Variants in ADARB2 observed in about 807,000 individuals in gnomAD.
The protein encoded by ADARB2 is inactive double-stranded RNA-specific editase B2.
A neutral mutation model predicts 62.2 loss-of-function variants in ADARB2; 25 were observed. That is an observed-to-expected ratio of 0.40 (90% CI 0.29 to 0.56). ADARB2 has a LOEUF of 0.56. Ranked by LOEUF, ADARB2 falls within the 20% of genes least tolerant of loss-of-function variation. The pLI is 0.43. For missense variants in ADARB2, 1,071 were observed against 1,077.4 expected (o/e 0.99, Z 0.08); for synonymous variants, 572 against 500.8 (o/e 1.14, Z -1.90).
intron 4 of ADARB2, among the ~76,000 whole-genome samples, chr10:1,263,188 G>A (rs1831160412): frequency 6.6e-6 from 1 of 151,656 alleles, no homozygotes; most frequent in South Asian, 2.1e-4. Flanking sequence ...GCTAAATGAT[G>A]AGTTACTGGG....
At chr10:1,730,526 C>T (rs539840261) in intron 1 of ADARB2, among the ~76,000 whole-genome samples, 52 of 152,200 alleles carry the variant, frequency 3.4e-4, no homozygotes, top group Non-Finnish European at 3.2e-4. Context: ...CACCTGAATG[C>T]CACAATTTTA....
At chr10:1,563,885 G>T (rs1291112195) in intron 1 of ADARB2, among the ~76,000 whole-genome samples, 1 of 147,316 alleles carries the variant, frequency 6.8e-6, no homozygotes, top group Non-Finnish European at 1.5e-5. Context: ...GCGGTGTTTG[G>T]TTTTTTGTTC....
At chr10:1,225,697 C>T (rs1166441332) in intron 6 of ADARB2, among the ~76,000 whole-genome samples, 2 of 134,462 alleles carry the variant, frequency 1.5e-5, no homozygotes, top group African/African-American at 4.9e-5. Flanking sequence ...ATATGAAATT[C>T]TGGGTTAAAA....
chr10:1,286,614 A>T (rs1369085819), intron 3 of ADARB2, among the ~76,000 whole-genome samples: 2 of 152,212 alleles, frequency 1.3e-5, no homozygotes, highest in African/African-American at 4.8e-5. Context: ...ACCAGAGTTG[A>T]GTTCTGCCAC....
intron 3 of ADARB2, among the ~76,000 whole-genome samples, chr10:1,297,050 A>G (rs1161679922): frequency 6.6e-6 from 1 of 152,252 alleles, no homozygotes; most frequent in East Asian, 1.9e-4. Flanking sequence ...ACAAACAAAA[A>G]TAAGTATCCT....
At chr10:1,687,740 G>A (rs1834614576) in intron 1 of ADARB2, among the ~76,000 whole-genome samples, 1 of 152,152 alleles carries the variant, frequency 6.6e-6, no homozygotes, top group Non-Finnish European at 1.5e-5. Flanking sequence ...GCTCAGCCGT[G>A]AATTGTGATG....
chr10:1,448,927 T>C (rs1271457650), intron 1 of ADARB2, among the ~76,000 whole-genome samples: 2 of 152,266 alleles, frequency 1.3e-5, no homozygotes, highest in East Asian at 3.9e-4. Flanking sequence ...CCAGCTCATC[T>C]TGTAAGCATG....
At chr10:1,719,464 C>T (rs1439523204) in intron 1 of ADARB2, among the ~76,000 whole-genome samples, 1 of 152,218 alleles carries the variant, frequency 6.6e-6, no homozygotes, top group Non-Finnish European at 1.5e-5. Context: ...AATTTGTTCC[C>T]TAGCTCCATT....
intron 4 of ADARB2, among the ~76,000 whole-genome samples, chr10:1,248,300 A>G (rs1195850421): frequency 6.6e-6 from 1 of 150,534 alleles, no homozygotes; most frequent in Admixed American, 6.6e-5. Flanking sequence ...CCAGCTGACC[A>G]AACAGGAAGC....
chr10:1,511,544 G>C lies in ADARB2; in HGVS notation c.101-132384C>G, dbSNP rs118128792. Among the ~76,000 whole-genome samples the C allele has an allele frequency of 5.9e-5, 9 of 152,080 alleles. No homozygotes were observed. In the South Asian group the frequency reaches 6.2e-4, roughly 11 times the overall value. On this transcript the variant is annotated intron_variant, in intron 1 of 9. Coordinates refer to ENST00000381312, the MANE Select transcript of ADARB2 (RefSeq NM_018702.4). ...CATTTGATGCTACATCTGTGAGCCCGGTCTGAAAGGAGTGAAGAATCAGCC... is the reference window on the plus strand; with the variant it reads ...CATTTGATGCTACATCTGTGAGCCCCGTCTGAAAGGAGTGAAGAATCAGCC...
At chr10:1,374,047 C>G (rs1380153580) in intron 2 of ADARB2, among the ~76,000 whole-genome samples, 1 of 152,164 alleles carries the variant, frequency 6.6e-6, no homozygotes, top group Admixed American at 6.5e-5. Flanking sequence ...GCATCCCGGC[C>G]ACCCACGCCC....
chr10:1,362,885 C>T, intron 3 of ADARB2, 143 bp downstream of exon 3: 1 of 826,682 alleles, frequency 1.2e-6, no homozygotes, highest in Non-Finnish European at 1.6e-6. Context: ...CCTCACCAGG[C>T]CGGGAGACAT....
intron 4 of ADARB2, among the ~76,000 whole-genome samples, chr10:1,247,471 A>G (rs2131780671): frequency 6.6e-6 from 1 of 152,278 alleles, no homozygotes; most frequent in East Asian, 1.9e-4. Context: ...TGGGTTTGTC[A>G]TAGATAGCTC....
intron 1 of ADARB2, among the ~76,000 whole-genome samples, chr10:1,413,992 G>T (rs1832780881): frequency 6.6e-6 from 1 of 152,160 alleles, no homozygotes; most frequent in Non-Finnish European, 1.5e-5. Context: ...CTCGCTGGGT[G>T]CCAGACCCAC....
intron 3 of ADARB2, among the ~76,000 whole-genome samples, chr10:1,360,192 C>T (rs1832239365): frequency 6.6e-6 from 1 of 152,246 alleles, no homozygotes; most frequent in Non-Finnish European, 1.5e-5. Flanking sequence ...TGCATCGTCC[C>T]AGCAGGAGGC....
Position 1,341,471 on chromosome 10 carries a change from G to C in ADARB2, c.1077+21557C>G, listed in dbSNP as rs531178693. Among the ~76,000 whole-genome samples the C allele has an allele frequency of 2.0e-3, 267 of 135,580 alleles. 2 individuals are homozygous for C. The highest frequency in any genetic ancestry group is 7.6e-3 in the African/African-American group (259 of 34,202). The allele number at this position is 135,580 out of a possible 152,430, so 88.9% of individuals were successfully genotyped here. ...TAACCGGCATCCACCAGAGAACCACGTGCCCCACAGTGGCAATAACCAGCA... is the reference window on the plus strand; with the variant it reads ...TAACCGGCATCCACCAGAGAACCACCTGCCCCACAGTGGCAATAACCAGCA... On this transcript the variant is annotated intron_variant, in intron 3 of 9. Coordinates refer to ENST00000381312, the MANE Select transcript of ADARB2 (RefSeq NM_018702.4).
At chr10:1,719,029 C>CGGCGTG (rs1313371241) in intron 1 of ADARB2, among the ~76,000 whole-genome samples, 6 of 151,932 alleles carry the variant, frequency 3.9e-5, no homozygotes, top group Non-Finnish European at 7.4e-5. Context: ...GGCGTGATGT[C>CGGCGTG]AGCTCGCTGC....
chr10:1,306,274 CAGAG>C (rs1418361203), intron 3 of ADARB2, among the ~76,000 whole-genome samples: 5 of 151,748 alleles, frequency 3.3e-5, no homozygotes, highest in Admixed American at 2.0e-4. Flanking sequence ...AACAGACAAA[CAGAG>C]AGCCAAATCA....
intron 2 of ADARB2, among the ~76,000 whole-genome samples, chr10:1,364,736 C>G (rs1169925226): frequency 6.6e-6 from 1 of 152,180 alleles, no homozygotes; most frequent in African/African-American, 2.4e-5. Context: ...TACAGGCATG[C>G]CTCCTTGTTC....
Sources: allele counts gnomAD v4.1 joint callset (sites outside exome capture counted in the v4.1 genomes callset), GRCh38; gene constraint gnomAD v4.1.1; transcripts MANE v1.5; gene names NCBI Gene and HGNC (gene_info 2026-07-23, HGNC 2026-07-21).